Variants in HHIP observed in about 807,000 individuals in gnomAD.
HHIP encodes the protein hedgehog-interacting protein.
HHIP carries 12 observed loss-of-function variants against 74.0 expected under a neutral mutation model. The observed-to-expected ratio is 0.16, with a 90% confidence interval of 0.10 to 0.26. HHIP has a LOEUF of 0.26. Among genes scored for constraint, HHIP ranks in the 10% least tolerant of loss-of-function variants. The pLI, the probability that HHIP is intolerant of heterozygous loss-of-function variation, is 1.00. For synonymous variants in HHIP, 309 were observed against 311.6 expected, an observed-to-expected ratio of 0.99 and a Z score of 0.09; for missense variants, 788 against 845.0, an observed-to-expected ratio of 0.93 and a Z score of 0.84.
In HHIP at chr4:144,668,796, C is replaced by T. The variant is rs139593608; in HGVS notation, c.831+8958C>T. Reference sequence around the variant, plus strand: ...AAAAGAATATATAAATGAAAGAGCCCCAACTACCTATCTCTCAAACCTCAG... The same window carrying T: ...AAAAGAATATATAAATGAAAGAGCCTCAACTACCTATCTCTCAAACCTCAG... On this transcript the variant is annotated intron_variant, in intron 4 of 12. Coordinates refer to ENST00000296575, the MANE Select transcript of HHIP (RefSeq NM_022475.3). 6.7e-3 allele frequency among the ~76,000 whole-genome samples: 1,015 copies of T among 151,980 alleles called. 10 individuals carry two copies. Among genetic ancestry groups the T allele is most frequent in the Admixed American group, 8.6e-3 (131 of 15,234 alleles).
chr4:144,658,690 TA>T (rs1179277827), intron 2 of HHIP, 99 bp from the exon 3 acceptor site: 5 of 944,222 alleles, frequency 5.3e-6, no homozygotes, highest in Admixed American at 5.0e-5. Flanking sequence ...AATATCCACC[TA>T]GTTTCCCAAA....
intron 4 of HHIP, among the ~76,000 whole-genome samples, chr4:144,690,360 G>A (rs1209049519): frequency 6.6e-6 from 1 of 152,186 alleles, no homozygotes; most frequent in South Asian, 2.1e-4. Flanking sequence ...TGATATGATG[G>A]TAGTATGGTG....
intron 4 of HHIP, among the ~76,000 whole-genome samples, chr4:144,674,608 C>T (rs57740751): frequency 0.069 from 10,495 of 151,884 alleles, 686 homozygotes; most frequent in East Asian, 0.21. Context: ...TAAAAAAAAA[C>T]GAATAAATCA....
rs545415328 is a variant in HHIP at position 144,671,189 on chromosome 4, T to G, written c.831+11351T>G. Among the ~76,000 whole-genome samples, 6 of 152,350 alleles carry G rather than the reference T, an allele frequency of 3.9e-5. No individual in the cohort carries two copies. In the East Asian group the frequency reaches 1.2e-3, roughly 29 times the overall value. ...AATATATTTACACCCGAGGTGTCTA[T>G]GTATATCACCCTGGGGTTGATCACG... On this transcript the variant is annotated intron_variant, in intron 4 of 12. Coordinates refer to ENST00000296575, the MANE Select transcript of HHIP (RefSeq NM_022475.3).
In HHIP at chr4:144,673,788, G is replaced by A. The variant is rs543005439; in HGVS notation, c.831+13950G>A. ...AAGTACCTATAATTCACTCTCAAAA[G>A]TAGAATAATCCCAAATATCCATAAT... is the stretch of plus-strand genomic sequence containing the variant. On this transcript the variant is annotated intron_variant, in intron 4 of 12. Transcript: ENST00000296575. Among the ~76,000 whole-genome samples the A allele has an allele frequency of 2.0e-5, 3 of 152,262 alleles. No homozygotes were observed. In the South Asian group the frequency reaches 6.2e-4, roughly 32 times the overall value.
chr4:144,735,969 A>G (rs938260995), intron 12 of HHIP, among the ~76,000 whole-genome samples: 2 of 152,138 alleles, frequency 1.3e-5, no homozygotes, highest in African/African-American at 4.8e-5. Context: ...AAGTAATTAC[A>G]TTATTTAAAA....
intron 4 of HHIP, among the ~76,000 whole-genome samples, chr4:144,670,235 C>T (rs980494641): frequency 1.3e-5 from 2 of 151,748 alleles, no homozygotes; most frequent in Non-Finnish European, 2.9e-5. Flanking sequence ...CTGAGGCCGG[C>T]GGATCACCTG....
chr4:144,725,326 G>A (rs773613994), intron 11 of HHIP, among the ~76,000 whole-genome samples: 8 of 152,116 alleles, frequency 5.3e-5, no homozygotes, highest in African/African-American at 1.2e-4. Flanking sequence ...TTTGTCAACC[G>A]TGACAAATGA....
chr4:144,651,389 T>C (rs762726098), intron 1 of HHIP, among the ~76,000 whole-genome samples: 22 of 152,044 alleles, frequency 1.4e-4, no homozygotes, highest in Non-Finnish European at 2.9e-4. Flanking sequence ...ATTTTTTTCG[T>C]TACTTTGCTC....
At chr4:144,673,911 C>T (rs1003815934) in intron 4 of HHIP, among the ~76,000 whole-genome samples, 2 of 152,134 alleles carry the variant, frequency 1.3e-5, no homozygotes, top group Non-Finnish European at 2.9e-5. Context: ...TGTCCCCTTT[C>T]GTACCTGCAT....
At chr4:144,697,889 AC>A (rs1191665350) in intron 4 of HHIP, among the ~76,000 whole-genome samples, 1 of 152,008 alleles carries the variant, frequency 6.6e-6, no homozygotes, top group Non-Finnish European at 1.5e-5. Flanking sequence ...CAATATCCTC[AC>A]TCTGAGTAGG....
At position 144,738,433 on chromosome 4, in the gene HHIP, C is replaced by T; in HGVS notation, c.*476C>T. The T allele has an allele frequency of 1.0e-6, 1 of 972,832 alleles. No homozygotes were observed. 60.3% of individuals were successfully genotyped at this position (972,832 alleles called of 1,614,324 possible). A position where few individuals can be genotyped will look rare whatever the true frequency, so the allele number is the denominator to read the frequency against. On this transcript the variant is annotated 3_prime_UTR_variant, in exon 13 of 13. Coordinates refer to ENST00000296575, the MANE Select transcript of HHIP (RefSeq NM_022475.3). ...TACTAGGAGAGAATGTTTCAGAACT[C>T]CCTGATGAATTTCTAAGTGAGCAAC...
At chr4:144,702,901 C>T (rs1435125970) in intron 4 of HHIP, among the ~76,000 whole-genome samples, 1 of 152,058 alleles carries the variant, frequency 6.6e-6, no homozygotes, top group African/African-American at 2.4e-5. Flanking sequence ...ACATTTTGGA[C>T]ATTGGTTAAC....
At chr4:144,719,779 T>TAAA (rs1447891237) in intron 11 of HHIP, among the ~76,000 whole-genome samples, 1 of 152,234 alleles carries the variant, frequency 6.6e-6, no homozygotes, top group Admixed American at 6.5e-5. Context: ...TGTTACTCTT[T>TAAA]AGCCACACCA....
chr4:144,706,084 T>C (rs1730124059), intron 4 of HHIP, among the ~76,000 whole-genome samples: 1 of 152,226 alleles, frequency 6.6e-6, no homozygotes, highest in Admixed American at 6.5e-5. Flanking sequence ...TTTCTAAACA[T>C]ATTGCCAAGA....
chr4:144,661,920 C>T lies in HHIP; in HGVS notation c.831+2082C>T, dbSNP rs541204203. On this transcript the variant is annotated intron_variant, in intron 4 of 12. Coordinates refer to ENST00000296575, the MANE Select transcript of HHIP (RefSeq NM_022475.3). ...TAAGAGAGGGCATAAAGCTGTTTAA[C>T]AGACTAAAGTATTAGTTGCAATACT... 7.4e-4 allele frequency among the ~76,000 whole-genome samples: 113 copies of T among 152,248 alleles called. 1 individual carries two copies. The South Asian group carries it at 0.022, about 30-fold the overall frequency.
chr4:144,737,825 T>TA lies in HHIP; in HGVS notation c.1977dup (p.Gly660ArgfsTer8). 6.2e-7 allele frequency: 1 copy of TA among 1,613,842 alleles called. No homozygotes were observed. Among genetic ancestry groups the TA allele is most frequent in the Non-Finnish European group, 8.5e-7 (1 of 1,179,806 alleles). ...GTGTTAGACCGAACAAGTGCCTCTG[T>TA]AAAAAAGGATATCTTGGTCCTCAAT... On this transcript the variant is annotated frameshift_variant, in exon 13 of 13. Transcript: ENST00000296575. LOFTEE classifies it high-confidence loss of function.
intron 4 of HHIP, among the ~76,000 whole-genome samples, chr4:144,662,928 T>C (rs182667251): frequency 1.3e-5 from 2 of 152,296 alleles, no homozygotes; most frequent in African/African-American, 4.8e-5. Context: ...AATGATAGAC[T>C]AATGCCTCTA....
intron 7 of HHIP, among the ~76,000 whole-genome samples, chr4:144,708,951 A>G (rs1560714822): frequency 6.6e-6 from 1 of 152,208 alleles, no homozygotes; most frequent in Non-Finnish European, 1.5e-5. Context: ...GAACCAAAAC[A>G]AAGGAAAACT....
Sources: gnomAD v4.1 joint callset for allele counts (sites outside exome capture counted in the v4.1 genomes callset) on GRCh38, gnomAD v4.1.1 for gene constraint, MANE v1.5 for transcripts, NCBI Gene and HGNC (gene_info 2026-07-23, HGNC 2026-07-21) for gene names.